GORASP2: variants seen among roughly 807,000 people sequenced by gnomAD.
GORASP2 encodes golgi reassembly stacking protein 2.
GORASP2 carries 22 observed loss-of-function variants against 45.7 expected under a neutral mutation model. The ratio of observed to expected loss-of-function variants is 0.48; its 90% CI spans 0.34 to 0.69. The LOEUF (loss-of-function observed/expected upper bound fraction) is 0.69. Among genes scored for constraint, GORASP2 ranks in the 30% least tolerant of loss-of-function variants. GORASP2 has a pLI of 0.01. For synonymous variants in GORASP2, 221 were observed against 215.6 expected (o/e 1.02, Z -0.22); for missense variants, 491 against 562.7 (o/e 0.87, Z 1.29).
chr2:170,937,759 A>T (rs1703989120), intron 1 of GORASP2, among the ~76,000 whole-genome samples: 1 of 152,160 alleles, frequency 6.6e-6, no homozygotes, highest in South Asian at 2.1e-4. Context: ...GCAGAGTATT[A>T]CTTGAAGCCA....
intron 6 of GORASP2, 48 bp downstream of exon 6, chr2:170,954,830 C>T (rs561321624): frequency 1.1e-5 from 16 of 1,513,478 alleles, no homozygotes; most frequent in South Asian, 5.9e-5. Flanking sequence ...TTTACCAAAA[C>T]GAGTCACGTG....
chr2:170,964,278 AGAT>A (rs1348671012), intron 9 of GORASP2, among the ~76,000 whole-genome samples: 11 of 152,236 alleles, frequency 7.2e-5, no homozygotes, highest in Admixed American at 7.2e-4. Flanking sequence ...GTTTCTGTCT[AGAT>A]GATAATTGTC....
intron 9 of GORASP2, 81 bp downstream of exon 9, chr2:170,963,027 T>C: frequency 1.2e-6 from 1 of 868,282 alleles, no homozygotes; most frequent in South Asian, 1.4e-5. Flanking sequence ...CAGTTTTTTC[T>C]GGAGAGAGCA....
chr2:170,960,223 G>T (rs989618326), intron 7 of GORASP2, among the ~76,000 whole-genome samples: 2 of 152,132 alleles, frequency 1.3e-5, no homozygotes, highest in Non-Finnish European at 2.9e-5. Flanking sequence ...TCTTCATGTT[G>T]TAAAGTGCCT....
chr2:170,932,380 T>G (rs1265981237), intron 1 of GORASP2, among the ~76,000 whole-genome samples: 1 of 152,258 alleles, frequency 6.6e-6, no homozygotes, highest in Non-Finnish European at 1.5e-5. Flanking sequence ...TGCTTCATGC[T>G]TTCAGTTAGC....
rs1214075183 is a variant in GORASP2 at position 170,965,946 on chromosome 2, A to G, written c.1175A>G (p.Asn392Ser). 1 of 1,613,836 alleles carries G rather than the reference A, an allele frequency of 6.2e-7. No homozygotes were observed. The highest frequency in any genetic ancestry group is 8.5e-7 in the Non-Finnish European group (1 of 1,179,950). The stretch of plus-strand genomic sequence containing the variant: ...CTGTCTTCCCTCCCGCCCACCAGCA[A>G]CGCACCCTCCGACCCTGCCACAACT... ...ELLSSLPPTS[N>S]APSDPATTTA... is the part of the protein sequence containing the mutation. Residue 392 changes from asparagine (N) to serine (S), a missense_variant, in exon 10 of 10, where the codon AAC becomes AGC. By Grantham distance (46) the Asn-to-Ser change is conservative. Coordinates refer to ENST00000234160, the MANE Select transcript of GORASP2 (RefSeq NM_015530.5).
chr2:170,951,814 C>T (rs1704306628), intron 5 of GORASP2, among the ~76,000 whole-genome samples: 1 of 152,224 alleles, frequency 6.6e-6, no homozygotes, highest in Admixed American at 6.5e-5. Context: ...AACTTAGTTG[C>T]TGCAGGCAGG....
chr2:170,954,513 A>G, intron 5 of GORASP2, 137 bp from the exon 6 acceptor site: 1 of 638,250 alleles, frequency 1.6e-6, no homozygotes, highest in Non-Finnish European at 2.7e-6. Context: ...TTATCTTTTA[A>G]AATCTCAAAG....
At chr2:170,931,217 C>T (rs1406439010) in intron 1 of GORASP2, among the ~76,000 whole-genome samples, 1 of 152,096 alleles carries the variant, frequency 6.6e-6, no homozygotes, top group African/African-American at 2.4e-5. Context: ...ATGTTGCACA[C>T]GATGAAATAA....
Position 170,929,257 on chromosome 2 carries a change from G to C in GORASP2, c.-84G>C, listed in dbSNP as rs1050184297. On this transcript the variant is annotated 5_prime_UTR_variant, in exon 1 of 10. Transcript: ENST00000234160. ...CGGCAGCGAGTGCCACGTCCCAAGT[G>C]CTACGCGGAGGATTAGAGCAGGCGG... 2 of 1,109,476 alleles carry C rather than the reference G, an allele frequency of 1.8e-6. No homozygotes were observed. Among genetic ancestry groups the C allele is most frequent in the African/African-American group, 1.6e-5 (1 of 61,036 alleles). 68.7% of individuals were successfully genotyped at this position (1,109,476 alleles called of 1,614,324 possible).
intron 1 of GORASP2, among the ~76,000 whole-genome samples, chr2:170,939,744 CA>C (rs1005396088): frequency 4.6e-5 from 7 of 152,144 alleles, no homozygotes; most frequent in African/African-American, 1.7e-4. Context: ...CTGCAGATAA[CA>C]GGGACTACTA....
intron 9 of GORASP2, among the ~76,000 whole-genome samples, chr2:170,963,432 ACTG>A (rs1186217335): frequency 5.2e-5 from 7 of 133,826 alleles, no homozygotes; most frequent in Non-Finnish European, 9.5e-5. Flanking sequence ...CCCCGCTGCT[ACTG>A]CTGCTGCTGC....
intron 1 of GORASP2, among the ~76,000 whole-genome samples, chr2:170,948,127 G>T (rs971060023): frequency 5.3e-5 from 8 of 152,144 alleles, no homozygotes; most frequent in African/African-American, 1.9e-4. Context: ...CTGTCTCAAA[G>T]AAATAAAATA....
At chr2:170,954,623 A>G (rs1198983074) in intron 5 of GORASP2, 27 bp from the exon 6 acceptor site, 2 of 1,593,758 alleles carry the variant, frequency 1.3e-6, no homozygotes, top group Non-Finnish European at 1.7e-6. Context: ...GATAGATAAC[A>G]ACGTTAAGAA....
intron 7 of GORASP2, among the ~76,000 whole-genome samples, chr2:170,960,181 A>G (rs1321862987): frequency 6.6e-6 from 1 of 152,036 alleles, no homozygotes; most frequent in African/African-American, 2.4e-5. Flanking sequence ...CCTGCCCCTC[A>G]TTAGAATGTA....
chr2:170,960,532 C>T (rs1272839941), intron 7 of GORASP2, among the ~76,000 whole-genome samples: 1 of 152,152 alleles, frequency 6.6e-6, no homozygotes, highest in Non-Finnish European at 1.5e-5. Context: ...ATGTGAAAGA[C>T]TTTATTGGGA....
chr2:170,944,470 TAACAAATGA>T (rs1304456784), intron 1 of GORASP2, among the ~76,000 whole-genome samples: 1 of 152,154 alleles, frequency 6.6e-6, no homozygotes, highest in Non-Finnish European at 1.5e-5. Flanking sequence ...TCGATGTTAG[TAACAAATGA>T]AATAGAAAAA....
chr2:170,946,571 TC>T (rs1195310464), intron 1 of GORASP2, among the ~76,000 whole-genome samples: 3 of 152,098 alleles, frequency 2.0e-5, no homozygotes, highest in Non-Finnish European at 2.9e-5. Context: ...TCTCACTCTT[TC>T]ATTTAAAGGC....
At chr2:170,940,812 A>G (rs1347897042) in intron 1 of GORASP2, among the ~76,000 whole-genome samples, 2 of 152,072 alleles carry the variant, frequency 1.3e-5, no homozygotes, top group Admixed American at 6.5e-5. Flanking sequence ...TATATCATGC[A>G]TTTTTGACAG....
Sources: gnomAD v4.1 joint callset for allele counts (sites outside exome capture counted in the v4.1 genomes callset) on GRCh38, gnomAD v4.1.1 for gene constraint, MANE v1.5 for transcripts, NCBI Gene and HGNC (gene_info 2026-07-23, HGNC 2026-07-21) for gene names.